The following SFMBT1 variants were observed in gnomAD, a reference collection of about 807,000 sequenced individuals.
SFMBT1 encodes the protein Scm like with four mbt domains 1, also known as scm-like with four MBT domains protein 1.
A neutral mutation model predicts 108.7 loss-of-function variants in SFMBT1; 32 were observed. The ratio of observed to expected loss-of-function variants is 0.29; its 90% CI spans 0.22 to 0.40. The LOEUF (loss-of-function observed/expected upper bound fraction) is 0.40. SFMBT1 is among the 10% of genes least tolerant of loss of function. SFMBT1 has a pLI of 1.00. For synonymous variants in SFMBT1, 348 were observed against 369.5 expected, an observed-to-expected ratio of 0.94 and a Z score of 0.67; for missense variants, 816 against 1,059.6, an observed-to-expected ratio of 0.77 and a Z score of 3.19.
In SFMBT1 at chr3:52,913,428, G is replaced by A. The variant is rs777807093; in HGVS notation, c.1620+50C>T. On this transcript the variant is annotated intron_variant, in intron 15 of 20. Transcript: ENST00000394752. ...TGGCTCCCTGTAGAAATGACCATAG[G>A]AGAATGCTGTGAAATTTCCAAGTTA... 6.9e-6 allele frequency: 11 copies of A among 1,593,404 alleles called. No individual in the cohort carries two copies. In the African/African-American group the frequency reaches 1.2e-4, roughly 18 times the overall value.
At position 52,907,174 on chromosome 3, in the gene SFMBT1, G is replaced by T. The variant is rs140331373; in HGVS notation, c.2226C>A (p.Thr742=). ...SEKKSCSSSP[T]QSEISTSLPP... is the part of the protein sequence containing the mutation. ...GCAGCGATGTGGATATCTCACTTTG[G>T]GTGGGAGAAGAGGAGCATGACTTTT... The change falls in exon 19 of 21, where the codon ACC becomes ACA. Residue 742 remains threonine (T), a synonymous_variant. Transcript: ENST00000394752. 25 of 1,613,758 alleles carry T rather than the reference G, an allele frequency of 1.5e-5. No individual in the cohort carries two copies. The highest frequency in any genetic ancestry group is 1.5e-4 in the African/African-American group (11 of 74,818).
At chr3:52,991,342 CTTTTTT>C (rs71087045) in intron 1 of SFMBT1, among the ~76,000 whole-genome samples, 2 of 91,212 alleles carry the variant, frequency 2.2e-5, no homozygotes, top group South Asian at 4.1e-4. Flanking sequence ...GCTGAAACTT[CTTTTTT>C]TTTTTTTTTT....
At chr3:52,966,373 C>T (rs565239525) in intron 2 of SFMBT1, among the ~76,000 whole-genome samples, 173 of 136,860 alleles carry the variant, frequency 1.3e-3, no homozygotes, top group South Asian at 2.4e-3. Flanking sequence ...CGCCTGTAAT[C>T]CCAGAACTTT....
chr3:52,939,068 T>C (rs772679204), intron 4 of SFMBT1, among the ~76,000 whole-genome samples: 3 of 152,242 alleles, frequency 2.0e-5, no homozygotes, highest in African/African-American at 2.4e-5. Context: ...ACATAAACCA[T>C]TGTTAATAAC....
At chr3:53,022,437 G>A (rs2106944542) in intron 1 of SFMBT1, among the ~76,000 whole-genome samples, 1 of 136,268 alleles carries the variant, frequency 7.3e-6, no homozygotes, top group East Asian at 2.3e-4. Flanking sequence ...GCGACAGGGT[G>A]AGGTGCTGTC....
chr3:52,972,917 G>A (rs1346308822), intron 1 of SFMBT1, among the ~76,000 whole-genome samples: 2 of 151,980 alleles, frequency 1.3e-5, no homozygotes, highest in African/African-American at 2.4e-5. Flanking sequence ...CCAGCTATTT[G>A]GGAGGCTCAG....
At chr3:53,024,602 TA>T (rs1279215258) in intron 1 of SFMBT1, among the ~76,000 whole-genome samples, 1 of 152,152 alleles carries the variant, frequency 6.6e-6, no homozygotes, top group African/African-American at 2.4e-5. Context: ...AAGGGAGAAG[TA>T]ACAGGGAAGA....
At chr3:53,027,834 C>T (rs1189561743) in intron 1 of SFMBT1, among the ~76,000 whole-genome samples, 1 of 152,154 alleles carries the variant, frequency 6.6e-6, no homozygotes, top group Non-Finnish European at 1.5e-5. Context: ...TGTTTCTTCC[C>T]CCTGTTCTTT....
rs1212396679 is a variant in SFMBT1 at position 52,997,428 on chromosome 3, C to T, written c.-130-28170G>A. 4.0e-5 allele frequency among the ~76,000 whole-genome samples: 6 copies of T among 148,676 alleles called. 1 individual carries two copies. The highest frequency in any genetic ancestry group is 9.8e-5 in the African/African-American group (4 of 40,900). On this transcript the variant is annotated intron_variant, in intron 1 of 20. Coordinates refer to ENST00000394752, the MANE Select transcript of SFMBT1 (RefSeq NM_016329.4). Reference sequence around the variant, plus strand: ...GCAGGCACCTGTAGTCCCAGCTACTCGGGAGGCTGAGGCAGGAGAATGGCG... The same window carrying T: ...GCAGGCACCTGTAGTCCCAGCTACTTGGGAGGCTGAGGCAGGAGAATGGCG...
chr3:52,963,264 G>C (rs959274386), intron 2 of SFMBT1, among the ~76,000 whole-genome samples: 2 of 151,754 alleles, frequency 1.3e-5, no homozygotes, highest in African/African-American at 2.4e-5. Flanking sequence ...CAAAGTGCTG[G>C]GATTACAGGC....
intron 6 of SFMBT1, among the ~76,000 whole-genome samples, chr3:52,931,861 C>T (rs1241750138): frequency 6.6e-6 from 1 of 151,856 alleles, no homozygotes; most frequent in African/African-American, 2.4e-5. Context: ...CAAAACAAAA[C>T]AAAAACCAAA....
At chr3:52,969,307 T>A in intron 1 of SFMBT1, 49 bp from the exon 2 acceptor site, 1 of 1,451,106 alleles carries the variant, frequency 6.9e-7, no homozygotes. Flanking sequence ...CCAAGTGTGC[T>A]CACTCACTCA....
chr3:52,956,632 GC>G (rs1271749563), intron 2 of SFMBT1, among the ~76,000 whole-genome samples: 44 of 152,142 alleles, frequency 2.9e-4, no homozygotes, highest in African/African-American at 1.0e-3. Flanking sequence ...GTGGTGGCGT[GC>G]GCTTATAGTC....
At chr3:52,930,141 A>G (rs1284982881) in intron 8 of SFMBT1, among the ~76,000 whole-genome samples, 188 bp downstream of exon 8, 1 of 152,236 alleles carries the variant, frequency 6.6e-6, no homozygotes, top group Non-Finnish European at 1.5e-5. Flanking sequence ...AGGGCTACCA[A>G]GCTCTGAAGG....
At chr3:52,979,357 T>G (rs1438904448) in intron 1 of SFMBT1, among the ~76,000 whole-genome samples, 1 of 152,190 alleles carries the variant, frequency 6.6e-6, no homozygotes, top group African/African-American at 2.4e-5. Context: ...TATTTCCCAC[T>G]CAGATGAAGT....
intron 1 of SFMBT1, among the ~76,000 whole-genome samples, chr3:52,996,609 A>G (rs1351675126): frequency 1.3e-5 from 2 of 150,342 alleles, no homozygotes; most frequent in Non-Finnish European, 3.0e-5. Flanking sequence ...GTCACTAGGG[A>G]AATACAAATT....
rs747018314 is a variant in SFMBT1, at chr3:53,035,202, A to G, written c.-131+10614T>C. Reference sequence around the variant, plus strand: ...TGAGGAGTTTGGACTTTACCCGGCCAAATGTGGGATTTTATGTGACTAAAA... The same window carrying G: ...TGAGGAGTTTGGACTTTACCCGGCCGAATGTGGGATTTTATGTGACTAAAA... On this transcript the variant is annotated intron_variant, in intron 1 of 20. Coordinates refer to ENST00000394752, the MANE Select transcript of SFMBT1 (RefSeq NM_016329.4). Among the ~76,000 whole-genome samples the G allele has an allele frequency of 1.4e-4, 21 of 149,280 alleles. 1 individual carries two copies. The highest frequency in any genetic ancestry group is 3.0e-5 in the Non-Finnish European group (2 of 67,606).
rs991966709 is a variant in SFMBT1 at position 52,912,368 on chromosome 3, C to T, written c.1730+170G>A. Among the ~76,000 whole-genome samples the T allele has an allele frequency of 2.0e-5, 3 of 152,062 alleles. No individual in the cohort carries two copies. In the East Asian group the frequency reaches 5.8e-4, roughly 29 times the overall value. ...CTAATTTTTGTATTTTTAGTAGAGA[C>T]AGGGTTTCATCATGTTGACCAGGCT... is the stretch of plus-strand genomic sequence containing the variant. On this transcript the variant is annotated intron_variant, in intron 16 of 20. Coordinates refer to ENST00000394752, the MANE Select transcript of SFMBT1 (RefSeq NM_016329.4).
chr3:53,010,391 C>T (rs1298754790), intron 1 of SFMBT1, among the ~76,000 whole-genome samples: 2 of 152,248 alleles, frequency 1.3e-5, no homozygotes, highest in Admixed American at 6.5e-5. Context: ...GGGCAGTGAC[C>T]GAACATGGCT....
Sources: gnomAD v4.1 joint callset for allele counts (sites outside exome capture counted in the v4.1 genomes callset) on GRCh38, gnomAD v4.1.1 for gene constraint, MANE v1.5 for transcripts, NCBI Gene and HGNC (gene_info 2026-07-23, HGNC 2026-07-21) for gene names.